Variants in KCNQ1 observed in about 807,000 individuals in gnomAD.
The protein encoded by KCNQ1 is potassium voltage-gated channel subfamily KQT member 1.
KCNQ1 carries 49 observed loss-of-function variants against 72.4 expected under a neutral mutation model. The observed-to-expected ratio is 0.68, with a 90% CI of 0.54 to 0.86. The LOEUF (loss-of-function observed/expected upper bound fraction) is 0.86, where lower values mean the gene tolerates loss of function less well. Ranked by LOEUF, KCNQ1 falls within the 40% of genes least tolerant of loss-of-function variation. The pLI is 0.00. For synonymous variants in KCNQ1, 450 were observed against 412.6 expected (o/e 1.09, Z -1.10); for missense variants, 790 against 945.1 (o/e 0.84, Z 2.15).
chr11:2,841,453 G>A (rs1429569357), intron 15 of KCNQ1, among the ~76,000 whole-genome samples: 1 of 152,116 alleles, frequency 6.6e-6, no homozygotes, highest in Non-Finnish European at 1.5e-5. Flanking sequence ...AGAAGATGCT[G>A]CCAGCCTGGG....
At chr11:2,585,406 C>T (rs768652264) in intron 8 of KCNQ1, 99 bp downstream of exon 8, 2 of 1,107,378 alleles carry the variant, frequency 1.8e-6, no homozygotes, top group Admixed American at 1.9e-5. Context: ...TTGGCCCCTG[C>T]ATCAGCTTGG....
intron 6 of KCNQ1, among the ~76,000 whole-genome samples, chr11:2,580,073 T>C (rs1486763194): frequency 6.6e-6 from 1 of 152,248 alleles, no homozygotes; most frequent in African/African-American, 2.4e-5. Context: ...TTAATGTTGT[T>C]ATTAGAACAA....
intron 12 of KCNQ1, chr11:2,771,706 A>G (rs578082314): frequency 1.4e-4 from 22 of 152,358 alleles, no homozygotes; most frequent in African/African-American, 5.3e-4. Flanking sequence ...TAAGCAATTA[A>G]CAAATACAAA....
At position 2,456,763 on chromosome 11, in the gene KCNQ1, TCCAAAAAAAAA is replaced by T. The variant is rs1307717371; in HGVS notation, c.386+11280_386+11290del. ...GGTGAAACCCTGTCTCTACTAAAAATCCAAAAAAAAAAAAAAAAAAAAAAAATTAGCCGGGC... is the reference window on the plus strand; with the variant it reads ...GGTGAAACCCTGTCTCTACTAAAAATAAAAAAAAAAAAAAATTAGCCGGGC... On this transcript the variant is annotated intron_variant, in intron 1 of 15. Transcript: ENST00000155840. Among the ~76,000 whole-genome samples, 29 of 54,660 alleles carry T rather than the reference TCCAAAAAAAAA, an allele frequency of 5.3e-4. 1 individual carries two copies. The South Asian group carries it at 0.01, about 20-fold the overall frequency. 35.9% of individuals were successfully genotyped at this position (54,660 alleles called of 152,430 possible). A position where few individuals can be genotyped will look rare whatever the true frequency, so the allele number is the denominator to read the frequency against.
rs1256211549 is a variant in KCNQ1, at chr11:2,764,044, C to G, written c.1515-4800C>G. Among the ~76,000 whole-genome samples the G allele has an allele frequency of 6.6e-6, 1 of 151,914 alleles. No individual in the cohort carries two copies. Among genetic ancestry groups the G allele is most frequent in the African/African-American group, 2.4e-5 (1 of 41,328 alleles). On this transcript the variant is annotated intron_variant, in intron 11 of 15. Coordinates refer to ENST00000155840, the MANE Select transcript of KCNQ1 (RefSeq NM_000218.3). This position sits in a 1 kb window ranked among gnomAD's most constrained non-coding sequence, Gnocchi z 4.8. ...GTACCTTTTATCTCCCTTTTCCTAC[C>G]TTTTTAACATACCAGCTGGGACTTT...
intron 2 of KCNQ1, among the ~76,000 whole-genome samples, chr11:2,568,123 A>G (rs989704283): frequency 1.3e-5 from 2 of 152,116 alleles, no homozygotes; most frequent in African/African-American, 4.8e-5. Context: ...ATACAAAAAA[A>G]TTAGCCAGGC....
At chr11:2,577,760 G>A (rs1848444361) in intron 6 of KCNQ1, among the ~76,000 whole-genome samples, 1 of 152,148 alleles carries the variant, frequency 6.6e-6, no homozygotes, top group South Asian at 2.1e-4. Context: ...AGTCTCCAGG[G>A]CGGCCCCACG....
In KCNQ1 at chr11:2,471,704, A is replaced by G. The variant is rs28724284; in HGVS notation, c.386+26220A>G. ...TGTGTATGGGTGTGCATGTGTGTAT[A>G]GGTGTGTGTATGTGTGCATGGGCGT... On this transcript the variant is annotated intron_variant, in intron 1 of 15. Transcript: ENST00000155840. This position sits in a 1 kb window ranked among gnomAD's most constrained non-coding sequence, Gnocchi z 4.8. Among the ~76,000 whole-genome samples the G allele has an allele frequency of 0.55, 81,518 of 148,402 alleles. 23,015 individuals carry two copies. The highest frequency in any genetic ancestry group is 0.64 in the Non-Finnish European group (42,880 of 67,050).
intron 6 of KCNQ1, 91 bp from the exon 7 acceptor site, chr11:2,583,344 C>G: frequency 1.1e-6 from 1 of 890,662 alleles, no homozygotes; most frequent in South Asian, 1.3e-5. Context: ...CCGGCCTCTC[C>G]GCTCATCAGA....
At chr11:2,505,159 A>T (rs151183966) in intron 1 of KCNQ1, among the ~76,000 whole-genome samples, 99 of 151,974 alleles carry the variant, frequency 6.5e-4, no homozygotes, top group African/African-American at 2.3e-3. Context: ...CTGTCAACCC[A>T]TCACCTAGGT....
chr11:2,462,446 A>G lies in KCNQ1; in HGVS notation c.386+16962A>G, dbSNP rs1401792508. 6.6e-6 allele frequency among the ~76,000 whole-genome samples: 1 copy of G among 152,098 alleles called. No individual in the cohort carries two copies. ...AGGCCGCTGGTTTCTAGAATGCACC[A>G]TCTCTTCCTGGCATGACGGGAACCA... On this transcript the variant is annotated intron_variant, in intron 1 of 15. Coordinates refer to ENST00000155840, the MANE Select transcript of KCNQ1 (RefSeq NM_000218.3). The surrounding 1 kb of genome is among the most constrained non-coding windows in gnomAD (Gnocchi z 8.2).
Position 2,809,523 on chromosome 11 carries a change from T to G in KCNQ1, c.1794+31486T>G, listed in dbSNP as rs1847445263. ...CCTCTGTTTGTTCGTCTTGGTGCTG[T>G]GTATGAAGGTGGCAACAGACTCCCC... On this transcript the variant is annotated intron_variant, in intron 15 of 15. Coordinates refer to ENST00000155840, the MANE Select transcript of KCNQ1 (RefSeq NM_000218.3). This position sits in a 1 kb window ranked among gnomAD's most constrained non-coding sequence, Gnocchi z 7.1. Among the ~76,000 whole-genome samples the G allele has an allele frequency of 6.6e-6, 1 of 152,202 alleles. No individual in the cohort carries two copies. Among genetic ancestry groups the G allele is most frequent in the Admixed American group, 6.5e-5 (1 of 15,284 alleles).
intron 1 of KCNQ1, among the ~76,000 whole-genome samples, chr11:2,476,021 A>G (rs777240375): frequency 2.0e-5 from 3 of 152,362 alleles, no homozygotes; most frequent in African/African-American, 4.8e-5. Context: ...ATTAAAAACT[A>G]TTTAAAATGC....
At chr11:2,778,112 T>C in intron 15 of KCNQ1, 75 bp downstream of exon 15, 2 of 1,427,930 alleles carry the variant, frequency 1.4e-6, no homozygotes, top group Non-Finnish European at 2.0e-6. Flanking sequence ...GTGGTCTGCG[T>C]GTGAACGTGA....
intron 1 of KCNQ1, among the ~76,000 whole-genome samples, chr11:2,506,027 G>C (rs1564800320): frequency 6.6e-6 from 1 of 152,142 alleles, no homozygotes; most frequent in Non-Finnish European, 1.5e-5. Context: ...CAATCCCACT[G>C]CTAGTTATAT....
rs189279879 is a variant in KCNQ1 at position 2,709,883 on chromosome 11, C to T, written c.1514+47802C>T. ...TATTATCACATTTTATTTATCCATT[C>T]ATTCATTGAACACTTGGGCCATTTT... On this transcript the variant is annotated intron_variant, in intron 11 of 15. Transcript: ENST00000155840. 1.4e-4 allele frequency among the ~76,000 whole-genome samples: 22 copies of T among 152,334 alleles called. 1 individual carries two copies. The highest frequency in any genetic ancestry group is 1.1e-3 in the Admixed American group (17 of 15,298).
Position 2,668,596 on chromosome 11 carries a change from T to C in KCNQ1, c.1514+6515T>C. ...TCATTTAGTCAGATACATCATTCTG[T>C]ATAAATTGCCTACATCTTCTGCCTG... On this transcript the variant is annotated intron_variant, in intron 11 of 15. Coordinates refer to ENST00000155840, the MANE Select transcript of KCNQ1 (RefSeq NM_000218.3). The surrounding 1 kb of genome is among the most constrained non-coding windows in gnomAD (Gnocchi z 4.3). 2.5e-6 allele frequency: 1 copy of C among 398,648 alleles called. No individual in the cohort carries two copies. The highest frequency in any genetic ancestry group is 3.6e-5 in the East Asian group (1 of 28,074). 24.7% of individuals were successfully genotyped at this position (398,648 alleles called of 1,614,324 possible).
At position 2,598,609 on chromosome 11, in the gene KCNQ1, T is replaced by TAAAAAAAAA. The variant is rs767929610; in HGVS notation, c.1393+9759_1393+9767dup. ...CATTTAGGTCTGCTCTGCCCTTAGT[T>TAAAAAAAAA]AAAAAAAAAAAACCCTAATACATCT... On this transcript the variant is annotated intron_variant, in intron 10 of 15. Coordinates refer to ENST00000155840, the MANE Select transcript of KCNQ1 (RefSeq NM_000218.3). This position sits in a 1 kb window ranked among gnomAD's most constrained non-coding sequence, Gnocchi z 6.2. Among the ~76,000 whole-genome samples, 4 of 143,622 alleles carry TAAAAAAAAA rather than the reference T, an allele frequency of 2.8e-5. No homozygotes were observed. Among genetic ancestry groups the TAAAAAAAAA allele is most frequent in the African/African-American group, 1.0e-4 (4 of 38,696 alleles). 94.2% of individuals were successfully genotyped at this position (143,622 alleles called of 152,430 possible).
chr11:2,619,248 T>C, intron 10 of KCNQ1: 2 of 398,570 alleles, frequency 5.0e-6, no homozygotes, highest in East Asian at 7.1e-5. Flanking sequence ...ATCCTTGCCT[T>C]GTACTGGTTC....
Sources: gnomAD v4.1 joint callset for allele counts (sites outside exome capture counted in the v4.1 genomes callset) on GRCh38, gnomAD v4.1.1 for gene constraint, Gnocchi (gnomAD v3.1) non-coding constraint, MANE v1.5 for transcripts, NCBI Gene and HGNC (gene_info 2026-07-23, HGNC 2026-07-21) for gene names.